The following FSTL5 variants were observed in gnomAD, a reference collection of about 807,000 sequenced individuals.
FSTL5 encodes follistatin-related protein 5.
Under a neutral mutation model 89.1 loss-of-function variants are expected in FSTL5, and 62 were observed. The observed-to-expected ratio is 0.70, with a 90% confidence interval of 0.57 to 0.86. The LOEUF (loss-of-function observed/expected upper bound fraction) is 0.86, where lower values mean the gene tolerates loss of function less well. FSTL5 is among the 40% of genes least tolerant of loss of function. The pLI, the probability that FSTL5 is intolerant of heterozygous loss-of-function variation, is 0.00. For synonymous variants in FSTL5, 383 were observed against 346.2 expected (o/e 1.11, Z -1.18); for missense variants, 1,057 against 1,001.6 (o/e 1.06, Z -0.75).
chr4:161,532,454 G>A (rs997513136), intron 10 of FSTL5, among the ~76,000 whole-genome samples: 1 of 152,030 alleles, frequency 6.6e-6, no homozygotes, highest in Admixed American at 6.6e-5. Context: ...ACAACAATTT[G>A]CTTTTTCATT....
At chr4:161,736,461 T>G (rs1051848411) in intron 6 of FSTL5, among the ~76,000 whole-genome samples, 8 of 152,168 alleles carry the variant, frequency 5.3e-5, no homozygotes, top group Non-Finnish European at 1.2e-4. Context: ...CCATCTAATA[T>G]ATTTTGCACT....
intron 15 of FSTL5, among the ~76,000 whole-genome samples, chr4:161,451,449 A>G (rs1272625260): frequency 6.6e-6 from 1 of 152,218 alleles, no homozygotes; most frequent in Non-Finnish European, 1.5e-5. Flanking sequence ...CCAGGCAGGG[A>G]AAAGTACAGA....
At chr4:162,064,406 T>C (rs761982951) in intron 2 of FSTL5, among the ~76,000 whole-genome samples, 5 of 152,066 alleles carry the variant, frequency 3.3e-5, no homozygotes, top group Non-Finnish European at 7.4e-5. Context: ...TGTGTGTCTG[T>C]GAGAACAGGT....
intron 3 of FSTL5, among the ~76,000 whole-genome samples, chr4:161,930,482 A>G (rs562182307): frequency 1.3e-5 from 2 of 151,608 alleles, no homozygotes; most frequent in African/African-American, 4.9e-5. Flanking sequence ...GTTTAAAAAT[A>G]TTATATCAGT....
chr4:161,990,214 A>T (rs942289365), intron 3 of FSTL5, among the ~76,000 whole-genome samples: 1 of 152,140 alleles, frequency 6.6e-6, no homozygotes, highest in Non-Finnish European at 1.5e-5. Flanking sequence ...TACAACCAAT[A>T]TTAAAGCAGT....
chr4:161,764,239 A>G (rs1342682496), intron 5 of FSTL5, among the ~76,000 whole-genome samples: 3 of 152,166 alleles, frequency 2.0e-5, no homozygotes, highest in Non-Finnish European at 4.4e-5. Context: ...AACAAATGCT[A>G]TCCTACAAGA....
At chr4:161,550,557 T>TTTTTTTTA (rs1553996654) in intron 8 of FSTL5, among the ~76,000 whole-genome samples, 1 of 142,244 alleles carries the variant, frequency 7.0e-6, no homozygotes, top group Non-Finnish European at 1.5e-5. Context: ...GTAACTTCTT[T>TTTTTTTTA]TTTATTTATT....
intron 8 of FSTL5, among the ~76,000 whole-genome samples, chr4:161,580,489 G>T (rs181951755): frequency 6.6e-6 from 1 of 152,238 alleles, no homozygotes; most frequent in Non-Finnish European, 1.5e-5. Context: ...GGAAAAGTTA[G>T]ACAATGAAAG....
intron 5 of FSTL5, among the ~76,000 whole-genome samples, chr4:161,760,585 CAG>C (rs1259605174): frequency 6.6e-6 from 1 of 152,172 alleles, no homozygotes; most frequent in African/African-American, 2.4e-5. Flanking sequence ...CATGCACACA[CAG>C]AGTCAGGTGT....
chr4:161,896,036 T>C (rs1203289727), intron 4 of FSTL5, among the ~76,000 whole-genome samples: 4 of 152,218 alleles, frequency 2.6e-5, no homozygotes, highest in African/African-American at 9.6e-5. Flanking sequence ...TGGAAGCAGA[T>C]GTTTGCTATA....
intron 15 of FSTL5, among the ~76,000 whole-genome samples, chr4:161,420,494 C>T (rs1397079221): frequency 6.6e-6 from 1 of 152,056 alleles, no homozygotes; most frequent in East Asian, 1.9e-4. Flanking sequence ...TACCATGCAA[C>T]ATAAGATATA....
chr4:161,409,857 G>A (rs977889200), intron 15 of FSTL5, among the ~76,000 whole-genome samples: 22 of 152,060 alleles, frequency 1.4e-4, no homozygotes, highest in African/African-American at 5.1e-4. Context: ...ACAACACCAT[G>A]ACAGGATCAA....
At chr4:162,026,775 T>C (rs1010701236) in intron 3 of FSTL5, among the ~76,000 whole-genome samples, 1 of 152,184 alleles carries the variant, frequency 6.6e-6, no homozygotes, top group African/African-American at 2.4e-5. Context: ...ATTCATTTTA[T>C]ATCCAATGCA....
At chr4:161,771,558 T>C (rs1027981705) in intron 5 of FSTL5, among the ~76,000 whole-genome samples, 5 of 152,114 alleles carry the variant, frequency 3.3e-5, no homozygotes, top group Non-Finnish European at 7.4e-5. Context: ...ATAAAAAATA[T>C]CCTAGGATTT....
At position 161,920,534 on chromosome 4, in the gene FSTL5, G is replaced by A. The variant is rs758647524; in HGVS notation, c.279C>T (p.Cys93=). ...GQAECACMDL[C]KRHYKPVCGS... is the part of the protein sequence containing the mutation. ...CACACACAGGTTTGTAGTGACGTTTGCAAAGGTCCATACAGGCACATTCTG... is the reference window on the plus strand; with the variant it reads ...CACACACAGGTTTGTAGTGACGTTTACAAAGGTCCATACAGGCACATTCTG... Residue 93 remains cysteine (C), a synonymous_variant, in exon 4 of 16, where the codon TGC becomes TGT. Transcript: ENST00000306100. 10 of 1,613,896 alleles carry A rather than the reference G, an allele frequency of 6.2e-6. No homozygotes were observed. In the Admixed American group the frequency reaches 1.7e-4, roughly 27 times the overall value.
chr4:161,594,807 A>G (rs1388037430), intron 7 of FSTL5, among the ~76,000 whole-genome samples: 2 of 151,936 alleles, frequency 1.3e-5, no homozygotes, highest in African/African-American at 4.8e-5. Flanking sequence ...ATATTTCAGT[A>G]TATTTAAAAT....
chr4:161,876,487 C>G (rs2126905698), intron 4 of FSTL5, among the ~76,000 whole-genome samples: 1 of 152,318 alleles, frequency 6.6e-6, no homozygotes, highest in Admixed American at 6.5e-5. Context: ...TAACGCCTCA[C>G]AAAAAGTTAC....
chr4:162,152,360 A>G (rs1733257283), intron 1 of FSTL5, among the ~76,000 whole-genome samples: 1 of 152,200 alleles, frequency 6.6e-6, no homozygotes, highest in Admixed American at 6.6e-5. Flanking sequence ...GGCACAATTC[A>G]CGCACTTCTT....
At chr4:161,551,853 T>A (rs1578918855) in intron 8 of FSTL5, among the ~76,000 whole-genome samples, 2 of 152,034 alleles carry the variant, frequency 1.3e-5, no homozygotes, top group South Asian at 2.1e-4. Context: ...GATTAAAGAC[T>A]TAAACGTTAG....
Sources: gnomAD v4.1 joint callset for allele counts (sites outside exome capture counted in the v4.1 genomes callset) on GRCh38, gnomAD v4.1.1 for gene constraint, MANE v1.5 for transcripts, NCBI Gene and HGNC (gene_info 2026-07-23, HGNC 2026-07-21) for gene names.